Variants in MYRIP observed in about 807,000 individuals in gnomAD.
MYRIP encodes myosin VIIA and Rab interacting protein.
Under a neutral mutation model 98.0 loss-of-function variants are expected in MYRIP, and 49 were observed. The observed-to-expected ratio is 0.50, with a 90% confidence interval of 0.40 to 0.63. The LOEUF (loss-of-function observed/expected upper bound fraction) is 0.63. Among genes scored for constraint, MYRIP ranks in the 30% least tolerant of loss-of-function variants. The pLI is 0.00. For missense variants in MYRIP, 1,004 were observed against 1,058.2 expected (o/e 0.95, Z 0.71); for synonymous variants, 404 against 409.5 (o/e 0.99, Z 0.16).
intron 2 of MYRIP, among the ~76,000 whole-genome samples, chr3:40,000,547 C>G (rs1183386116): frequency 6.6e-6 from 1 of 152,168 alleles, no homozygotes; most frequent in Non-Finnish European, 1.5e-5. Context: ...CTTGAAATGC[C>G]CAGAGCTAGC....
At chr3:40,219,310 TTTTG>T (rs1575648364) in intron 11 of MYRIP, among the ~76,000 whole-genome samples, 1 of 152,280 alleles carries the variant, frequency 6.6e-6, no homozygotes, top group South Asian at 2.1e-4. Flanking sequence ...TGCATAAATA[TTTTG>T]TTTGTTTTAT....
At chr3:39,939,943 G>A (rs541029512) in intron 2 of MYRIP, among the ~76,000 whole-genome samples, 45 of 152,138 alleles carry the variant, frequency 3.0e-4, no homozygotes, top group African/African-American at 1.0e-3. Flanking sequence ...ATGTATGCAT[G>A]CATGTGTATG....
intron 10 of MYRIP, among the ~76,000 whole-genome samples, chr3:40,208,843 A>G (rs1490319417): frequency 1.3e-5 from 2 of 152,024 alleles, no homozygotes; most frequent in Non-Finnish European, 2.9e-5. Flanking sequence ...TCTGCATTGA[A>G]CCACCATGAA....
intron 1 of MYRIP, among the ~76,000 whole-genome samples, chr3:39,851,043 C>T (rs1942116160): frequency 6.6e-6 from 1 of 152,186 alleles, no homozygotes; most frequent in South Asian, 2.1e-4. Context: ...CAGGGGATTG[C>T]AGGCATCTCT....
chr3:40,032,610 A>G (rs898035757), intron 2 of MYRIP, among the ~76,000 whole-genome samples: 1 of 152,170 alleles, frequency 6.6e-6, no homozygotes, highest in Non-Finnish European at 1.5e-5. Context: ...GTCCAGGACA[A>G]AATGGATTCA....
intron 9 of MYRIP, among the ~76,000 whole-genome samples, chr3:40,185,852 C>A (rs565790976): frequency 6.6e-6 from 1 of 152,208 alleles, no homozygotes; most frequent in South Asian, 2.1e-4. Flanking sequence ...GACAGCAGGG[C>A]TCATTGAGAG....
rs1947344947 is a variant in MYRIP, at chr3:40,034,975, A to C, written c.111-9075A>C. 3.3e-5 allele frequency among the ~76,000 whole-genome samples: 5 copies of C among 151,050 alleles called. No individual in the cohort carries two copies. In the South Asian group the frequency reaches 1.1e-3, roughly 32 times the overall value. The stretch of plus-strand genomic sequence containing the variant: ...ATTCTCAGTAAACTATCGCACAGAC[A>C]AAAAACCAAACACCGCATGTTCTCA... On this transcript the variant is annotated intron_variant, in intron 2 of 16. Coordinates refer to ENST00000302541, the MANE Select transcript of MYRIP (RefSeq NM_015460.4).
chr3:40,024,055 G>A (rs563799011), intron 2 of MYRIP, among the ~76,000 whole-genome samples: 7 of 152,162 alleles, frequency 4.6e-5, no homozygotes, highest in Non-Finnish European at 1.0e-4. Context: ...GTGGGTGGTG[G>A]AGGAAGTAGG....
At chr3:40,115,750 A>G (rs2125905807) in intron 3 of MYRIP, among the ~76,000 whole-genome samples, 1 of 151,526 alleles carries the variant, frequency 6.6e-6, no homozygotes, top group East Asian at 1.9e-4. Context: ...AAAAAGCTAG[A>G]CTCAGGAACA....
chr3:40,122,547 T>C (rs1949426455), intron 3 of MYRIP, among the ~76,000 whole-genome samples: 1 of 151,880 alleles, frequency 6.6e-6, no homozygotes, highest in South Asian at 2.1e-4. Flanking sequence ...CATTTTTTTC[T>C]ATAGATACAT....
intron 1 of MYRIP, among the ~76,000 whole-genome samples, chr3:39,829,020 A>G (rs1232187167): frequency 6.6e-6 from 1 of 152,182 alleles, no homozygotes; most frequent in Non-Finnish European, 1.5e-5. Context: ...ATCAAATGGT[A>G]GTTCTACTTT....
intron 1 of MYRIP, among the ~76,000 whole-genome samples, chr3:39,899,363 T>A (rs995560913): frequency 6.6e-6 from 1 of 152,346 alleles, no homozygotes; most frequent in East Asian, 1.9e-4. Context: ...CCCTATTTTT[T>A]AAATCATTCC....
chr3:39,908,034 T>C (rs2125677684), intron 2 of MYRIP, among the ~76,000 whole-genome samples: 1 of 152,334 alleles, frequency 6.6e-6, no homozygotes, highest in East Asian at 1.9e-4. Flanking sequence ...GCCACAGGCT[T>C]TAAAATTTCT....
At chr3:39,992,739 T>C (rs1187507199) in intron 2 of MYRIP, among the ~76,000 whole-genome samples, 3 of 152,206 alleles carry the variant, frequency 2.0e-5, no homozygotes, top group African/African-American at 4.8e-5. Flanking sequence ...ACTTTCTGCC[T>C]CCTACAAATC....
At chr3:39,933,951 C>T (rs2125702537) in intron 2 of MYRIP, among the ~76,000 whole-genome samples, 1 of 152,252 alleles carries the variant, frequency 6.6e-6, no homozygotes, top group Admixed American at 6.5e-5. Flanking sequence ...AAGGAAGGCT[C>T]CTAGAAAACA....
chr3:39,965,901 A>G (rs1945428048), intron 2 of MYRIP, among the ~76,000 whole-genome samples: 1 of 152,188 alleles, frequency 6.6e-6, no homozygotes, highest in Admixed American at 6.6e-5. Context: ...ACATTTCTGC[A>G]TAATTGTATA....
At chr3:40,167,436 T>A (rs1259521162) in intron 7 of MYRIP, among the ~76,000 whole-genome samples, 197 bp downstream of exon 7, 1 of 152,236 alleles carries the variant, frequency 6.6e-6, no homozygotes, top group East Asian at 1.9e-4. Flanking sequence ...CAGTCACTGC[T>A]GCTAGCTCCA....
intron 2 of MYRIP, among the ~76,000 whole-genome samples, chr3:39,993,558 G>C (rs59747875): frequency 6.6e-6 from 1 of 152,246 alleles, no homozygotes; most frequent in East Asian, 1.9e-4. Flanking sequence ...AAGAGTCAGT[G>C]GGCCCTGAAC....
chr3:40,022,741 C>T (rs1947025151), intron 2 of MYRIP, among the ~76,000 whole-genome samples: 1 of 151,728 alleles, frequency 6.6e-6, no homozygotes, highest in African/African-American at 2.4e-5. Flanking sequence ...AAGATTAAAG[C>T]CTGAAGTAAA....
Sources: allele counts gnomAD v4.1 joint callset (sites outside exome capture counted in the v4.1 genomes callset), GRCh38; gene constraint gnomAD v4.1.1; transcripts MANE v1.5; gene names NCBI Gene and HGNC (gene_info 2026-07-23, HGNC 2026-07-21).